BTRC: variants seen among roughly 807,000 people sequenced by gnomAD.
The protein encoded by BTRC is F-box/WD repeat-containing protein 1A.
BTRC carries 42 observed loss-of-function variants against 85.5 expected under a neutral mutation model. That is an observed-to-expected ratio of 0.49 (90% CI 0.38 to 0.64). BTRC has a LOEUF of 0.64. Among genes scored for constraint, BTRC ranks in the 30% least tolerant of loss-of-function variants. The probability of loss-of-function intolerance (pLI) is 0.00; values close to 1 mark genes in which losing one functional copy is unlikely to be tolerated. For missense variants in BTRC, 594 were observed against 743.5 expected (o/e 0.80, Z 2.34); for synonymous variants, 255 against 263.3 (o/e 0.97, Z 0.30).
intron 2 of BTRC, among the ~76,000 whole-genome samples, chr10:101,441,789 G>A (rs992484194): frequency 2.0e-5 from 3 of 148,510 alleles, no homozygotes; most frequent in African/African-American, 7.4e-5. Context: ...GCTAAGGCAC[G>A]CGAATCGCTT....
intron 2 of BTRC, among the ~76,000 whole-genome samples, chr10:101,437,185 T>C (rs957836554): frequency 2.0e-5 from 3 of 152,224 alleles, no homozygotes; most frequent in Non-Finnish European, 4.4e-5. Flanking sequence ...ACCCTTCACC[T>C]TAGGGGTTTG....
chr10:101,435,638 A>G (rs1944508062), intron 2 of BTRC, among the ~76,000 whole-genome samples: 1 of 152,160 alleles, frequency 6.6e-6, no homozygotes, highest in African/African-American at 2.4e-5. Flanking sequence ...CCTATTATTA[A>G]TAAAGCTACT....
At chr10:101,498,809 G>A (rs1946329496) in intron 4 of BTRC, among the ~76,000 whole-genome samples, 1 of 152,072 alleles carries the variant, frequency 6.6e-6, no homozygotes, top group Admixed American at 6.6e-5. Flanking sequence ...TGACCAACAT[G>A]GTGAAACCCC....
intron 6 of BTRC, 125 bp downstream of exon 6, chr10:101,526,324 G>A: frequency 1.2e-6 from 1 of 841,142 alleles, no homozygotes; most frequent in Non-Finnish European, 1.8e-6. Context: ...TTGATTTCTA[G>A]CTTAAAATGT....
chr10:101,388,040 A>G (rs1943130551), intron 1 of BTRC, among the ~76,000 whole-genome samples: 1 of 152,210 alleles, frequency 6.6e-6, no homozygotes, highest in South Asian at 2.1e-4. Flanking sequence ...ACAAATATCT[A>G]AAGGCAAAAA....
chr10:101,378,407 T>C (rs1942843716), intron 1 of BTRC, among the ~76,000 whole-genome samples: 2 of 152,200 alleles, frequency 1.3e-5, no homozygotes, highest in Non-Finnish European at 2.9e-5. Context: ...AATTTCCTTC[T>C]TTTTAATGAC....
intron 3 of BTRC, among the ~76,000 whole-genome samples, chr10:101,464,378 TC>T (rs1188717039): frequency 6.6e-6 from 1 of 152,204 alleles, no homozygotes; most frequent in African/African-American, 2.4e-5. Flanking sequence ...CTAATCTGAT[TC>T]ATTTTAAAAA....
At position 101,555,979 on chromosome 10, in the gene BTRC, C is replaced by G. The variant is rs1432056874; in HGVS notation, c.*2856C>G. The G allele has an allele frequency of 6.6e-6, 1 of 152,174 alleles. No individual in the cohort carries two copies. The highest frequency in any genetic ancestry group is 1.5e-5 in the Non-Finnish European group (1 of 68,046). The allele number at this position is 152,174 out of a possible 1,614,324, so 9.4% of individuals were successfully genotyped here. ...GTGTGTATTTCACTGCTGAGAACAT[C>G]CTTTAACTTGGTGTGCAATTTGAAA... On this transcript the variant is annotated 3_prime_UTR_variant, in exon 15 of 15. Transcript: ENST00000370187.
chr10:101,435,434 A>C (rs1380270827), intron 2 of BTRC, among the ~76,000 whole-genome samples: 1 of 152,190 alleles, frequency 6.6e-6, no homozygotes, highest in African/African-American at 2.4e-5. Context: ...AACTTACTTC[A>C]TATAAATGCC....
intron 1 of BTRC, among the ~76,000 whole-genome samples, chr10:101,398,679 C>A (rs764817844): frequency 1.3e-5 from 2 of 152,200 alleles, no homozygotes; most frequent in Non-Finnish European, 2.9e-5. Context: ...TACACTAATA[C>A]CATCATCCTT....
At chr10:101,514,085 C>A (rs889528763) in intron 4 of BTRC, among the ~76,000 whole-genome samples, 1 of 152,110 alleles carries the variant, frequency 6.6e-6, no homozygotes, top group African/African-American at 2.4e-5. Flanking sequence ...TGTGAAGTAT[C>A]TGTTCAAATC....
intron 3 of BTRC, among the ~76,000 whole-genome samples, chr10:101,470,173 G>A (rs2134194511): frequency 6.6e-6 from 1 of 152,164 alleles, no homozygotes; most frequent in South Asian, 2.1e-4. Context: ...TTATTATTGA[G>A]TTGTAGACTC....
chr10:101,389,117 GTGTTTTTTTTTT>G (rs1337594722), intron 1 of BTRC, among the ~76,000 whole-genome samples: 4 of 53,050 alleles, frequency 7.5e-5, no homozygotes, highest in Non-Finnish European at 1.1e-4. Flanking sequence ...TTTTTTGTGT[GTGTTTTTTTTTT>G]TTTTTTTTTT....
At chr10:101,444,886 C>CT (rs1359908751) in intron 2 of BTRC, among the ~76,000 whole-genome samples, 2 of 152,150 alleles carry the variant, frequency 1.3e-5, no homozygotes, top group Non-Finnish European at 2.9e-5. Flanking sequence ...GTGGAGTAGT[C>CT]TAACCACCCT....
chr10:101,499,989 G>C (rs1946362643), intron 4 of BTRC, among the ~76,000 whole-genome samples: 1 of 151,266 alleles, frequency 6.6e-6, no homozygotes, highest in Admixed American at 6.6e-5. Flanking sequence ...AATACAACTG[G>C]CAAAGAACAG....
chr10:101,543,261 A>G (rs978388515), intron 13 of BTRC, among the ~76,000 whole-genome samples: 9 of 152,312 alleles, frequency 5.9e-5, no homozygotes, highest in Admixed American at 5.9e-4. Flanking sequence ...TTTTAACATT[A>G]TGAAATGTCC....
intron 13 of BTRC, among the ~76,000 whole-genome samples, chr10:101,541,895 C>T (rs1355520865): frequency 2.0e-5 from 3 of 151,746 alleles, no homozygotes; most frequent in Admixed American, 1.3e-4. Flanking sequence ...TGGTTTGTTG[C>T]TTTATTTTCT....
In BTRC at chr10:101,553,297, G is replaced by A. The variant is rs2062680615; in HGVS notation, c.*174G>A. The A allele has an allele frequency of 6.5e-6, 1 of 152,682 alleles. No individual in the cohort carries two copies. Among genetic ancestry groups the A allele is most frequent in the Admixed American group, 6.5e-5 (1 of 15,288 alleles). The allele number at this position is 152,682 out of a possible 1,614,324, so 9.5% of individuals were successfully genotyped here. The stretch of plus-strand genomic sequence containing the variant: ...CCTGTTGGGACACAGTTGGTCTGCA[G>A]TCGGCCCAGGACGGTCTACTCAGCA... On this transcript the variant is annotated 3_prime_UTR_variant, in exon 15 of 15. Transcript: ENST00000370187.
chr10:101,383,057 ATTT>A lies in BTRC; in HGVS notation c.48+28849_48+28851del, dbSNP rs370353886. Among the ~76,000 whole-genome samples the A allele has an allele frequency of 4.3e-5, 5 of 116,484 alleles. No individual in the cohort carries two copies. The East Asian group carries it at 8.3e-4, about 19-fold the overall frequency. 76.4% of individuals were successfully genotyped at this position (116,484 alleles called of 152,430 possible). On this transcript the variant is annotated intron_variant, in intron 1 of 14. Coordinates refer to ENST00000370187, the MANE Select transcript of BTRC (RefSeq NM_033637.4). ...AGGACTTGTTGGGCCTTCCCTGGAG[ATTT>A]TTTTTTTTTTTTTTTTTTTCTGAGA... is the stretch of plus-strand genomic sequence containing the variant.
Sources: allele counts gnomAD v4.1 joint callset (sites outside exome capture counted in the v4.1 genomes callset), GRCh38; gene constraint gnomAD v4.1.1; transcripts MANE v1.5; gene names NCBI Gene and HGNC (gene_info 2026-07-23, HGNC 2026-07-21).